ATP8A2: variants seen among roughly 807,000 people sequenced by gnomAD.
ATP8A2 encodes ATPase phospholipid transporting 8A2, also known as phospholipid-transporting ATPase IB.
ATP8A2 carries 100 observed loss-of-function variants against 165.6 expected under a neutral mutation model. That is an observed-to-expected ratio of 0.60 (90% CI 0.51 to 0.71). The LOEUF (loss-of-function observed/expected upper bound fraction) is 0.71, where lower values mean the gene tolerates loss of function less well. ATP8A2 is among the 30% of genes least tolerant of loss of function. The pLI, the probability that ATP8A2 is intolerant of heterozygous loss-of-function variation, is 0.00. For synonymous variants in ATP8A2, 543 were observed against 548.8 expected, an observed-to-expected ratio of 0.99 and a Z score of 0.15; for missense variants, 1,227 against 1,479.5, an observed-to-expected ratio of 0.83 and a Z score of 2.80.
intron 24 of ATP8A2, among the ~76,000 whole-genome samples, chr13:25,681,544 G>A (rs1020025684): frequency 5.3e-5 from 8 of 152,174 alleles, no homozygotes; most frequent in African/African-American, 1.4e-4. Flanking sequence ...GCAGGGAAAC[G>A]TGCAGGCAGG....
rs1275286938 is a variant in ATP8A2, at chr13:25,530,044, T to C, written c.267T>C (p.Tyr89=). The C allele has an allele frequency of 1.2e-6, 2 of 1,613,266 alleles. No individual in the cohort carries two copies. Among genetic ancestry groups the C allele is most frequent in the Admixed American group, 3.3e-5 (2 of 59,948 alleles). The stretch of plus-strand genomic sequence containing the variant: ...TGACATTTCTACCTCGATTCTTGTA[T>C]GAGCAGATTAGAAGAGCTGCTAATG... ...SVLTFLPRFL[Y]EQIRRAANAF... is the part of the protein sequence containing the mutation. Residue 89 remains tyrosine (Y), a synonymous_variant, in exon 3 of 37, where the codon TAT becomes TAC. Coordinates refer to ENST00000381655, the MANE Select transcript of ATP8A2 (RefSeq NM_016529.6).
At position 25,617,196 on chromosome 13, in the gene ATP8A2, C is replaced by T. The variant is rs75211240; in HGVS notation, c.2211+27497C>T. 7.3e-3 allele frequency among the ~76,000 whole-genome samples: 1,116 copies of T among 152,206 alleles called. 12 individuals carry two copies. The highest frequency in any genetic ancestry group is 0.025 in the African/African-American group (1,047 of 41,514). ...AACAACAAAAGCTAAAATGCCAAAC[C>T]GAATGCAAGCTTTGTTCATTTCCTC... On this transcript the variant is annotated intron_variant, in intron 24 of 36. Coordinates refer to ENST00000381655, the MANE Select transcript of ATP8A2 (RefSeq NM_016529.6).
At chr13:25,706,896 G>A (rs762220922) in intron 25 of ATP8A2, among the ~76,000 whole-genome samples, 34 of 152,014 alleles carry the variant, frequency 2.2e-4, no homozygotes, top group Non-Finnish European at 4.4e-4. Flanking sequence ...ACTCTAACAT[G>A]AATGCTATTG....
chr13:25,457,028 C>A (rs557931763), intron 1 of ATP8A2, among the ~76,000 whole-genome samples: 1 of 152,276 alleles, frequency 6.6e-6, no homozygotes, highest in East Asian at 1.9e-4. Flanking sequence ...AGAAAGTTTA[C>A]AAATTTGTGT....
At chr13:25,869,651 A>G (rs531388057) in intron 33 of ATP8A2, among the ~76,000 whole-genome samples, 62 of 152,260 alleles carry the variant, frequency 4.1e-4, no homozygotes, top group Non-Finnish European at 8.1e-4. Context: ...CAGTAACAGT[A>G]GGTAATGTTT....
At chr13:25,829,542 C>CAGTGCTTG (rs946093901) in intron 28 of ATP8A2, among the ~76,000 whole-genome samples, 1 of 151,194 alleles carries the variant, frequency 6.6e-6, no homozygotes, top group African/African-American at 2.4e-5. Context: ...CACGATTATT[C>CAGTGCTTG]AGTGCTTGAA....
At position 26,023,778 on chromosome 13, in the gene ATP8A2, A is replaced by G. The variant is rs1275317845; in HGVS notation, c.*3793A>G. 1 of 152,196 alleles carries G rather than the reference A, an allele frequency of 6.6e-6. No individual in the cohort carries two copies. The highest frequency in any genetic ancestry group is 2.4e-5 in the African/African-American group (1 of 41,448). 9.4% of individuals were successfully genotyped at this position (152,196 alleles called of 1,614,324 possible). On this transcript the variant is annotated 3_prime_UTR_variant, in exon 37 of 37. Transcript: ENST00000381655. Reference sequence around the variant, plus strand: ...TGAAAGGACTGCACACTTTTCAGCCAGGGTTTGAGTTACTGCCCAGGGTCA... The same window carrying G: ...TGAAAGGACTGCACACTTTTCAGCCGGGGTTTGAGTTACTGCCCAGGGTCA...
intron 2 of ATP8A2, among the ~76,000 whole-genome samples, chr13:25,486,311 T>C (rs2036351093): frequency 6.6e-6 from 1 of 152,246 alleles, no homozygotes; most frequent in Non-Finnish European, 1.5e-5. Flanking sequence ...CAACCTGTGA[T>C]ATTTATAAAT....
chr13:25,613,135 G>A (rs9553632), intron 24 of ATP8A2, among the ~76,000 whole-genome samples: 74,998 of 152,018 alleles, frequency 0.49, 20,183 homozygotes, highest in Admixed American at 0.61. Flanking sequence ...CGTTAGCATT[G>A]AGATGTAAGG....
At chr13:25,478,986 T>C (rs1259881441) in intron 2 of ATP8A2, among the ~76,000 whole-genome samples, 2 of 152,138 alleles carry the variant, frequency 1.3e-5, no homozygotes, top group East Asian at 3.9e-4. Flanking sequence ...TAGCTGGGAC[T>C]ACAGGCACGT....
intron 1 of ATP8A2, among the ~76,000 whole-genome samples, chr13:25,428,541 G>A (rs951030053): frequency 1.3e-5 from 2 of 152,122 alleles, no homozygotes; most frequent in Non-Finnish European, 2.9e-5. Context: ...AAGTGCTGTG[G>A]GACCACAGGG....
At chr13:25,417,629 T>C (rs1376840840) in intron 1 of ATP8A2, among the ~76,000 whole-genome samples, 3 of 152,192 alleles carry the variant, frequency 2.0e-5, no homozygotes, top group African/African-American at 7.2e-5. Flanking sequence ...TTCTGAAACT[T>C]CGGTGCGTAG....
intron 33 of ATP8A2, among the ~76,000 whole-genome samples, chr13:25,939,397 CAT>C (rs1330579914): frequency 6.6e-6 from 1 of 152,190 alleles, no homozygotes; most frequent in Non-Finnish European, 1.5e-5. Flanking sequence ...CTTTCCAACA[CAT>C]CTCTCACTTC....
intron 24 of ATP8A2, among the ~76,000 whole-genome samples, chr13:25,643,118 C>T (rs572210649): frequency 3.3e-5 from 5 of 152,130 alleles, no homozygotes; most frequent in Admixed American, 6.5e-5. Flanking sequence ...ATGTAAATGA[C>T]GAGTTAATGG....
At chr13:25,938,450 C>A (rs1954977641) in intron 33 of ATP8A2, among the ~76,000 whole-genome samples, 1 of 152,192 alleles carries the variant, frequency 6.6e-6, no homozygotes, top group Non-Finnish European at 1.5e-5. Context: ...AGTTATGGAT[C>A]CCGCAGTAAC....
At chr13:25,597,063 A>G (rs1565965173) in intron 24 of ATP8A2, among the ~76,000 whole-genome samples, 1 of 152,046 alleles carries the variant, frequency 6.6e-6, no homozygotes, top group Non-Finnish European at 1.5e-5. Context: ...TCCTTTGTTG[A>G]AGTCTCTGTC....
intron 2 of ATP8A2, among the ~76,000 whole-genome samples, chr13:25,484,613 C>G (rs2036296997): frequency 6.6e-6 from 1 of 152,080 alleles, no homozygotes; most frequent in Non-Finnish European, 1.5e-5. Context: ...CTCCCGGATT[C>G]AGGTGATTCT....
At chr13:25,835,722 G>C (rs572540087) in intron 28 of ATP8A2, among the ~76,000 whole-genome samples, 47 of 152,156 alleles carry the variant, frequency 3.1e-4, no homozygotes, top group African/African-American at 1.1e-3. Context: ...ATATACAAAT[G>C]TGAGTACAGG....
At position 26,007,881 on chromosome 13, in the gene ATP8A2, A is replaced by C. The variant is rs374722501; in HGVS notation, c.3378-4650A>C. ...CAGAACCCTATGCATAAAGTTGCAAATTTTGTAGGGATGCCATTTTAGTGA... is the reference window on the plus strand; with the variant it reads ...CAGAACCCTATGCATAAAGTTGCAACTTTTGTAGGGATGCCATTTTAGTGA... On this transcript the variant is annotated intron_variant, in intron 35 of 36. Coordinates refer to ENST00000381655, the MANE Select transcript of ATP8A2 (RefSeq NM_016529.6). Among the ~76,000 whole-genome samples, 3 of 152,252 alleles carry C rather than the reference A, an allele frequency of 2.0e-5. No homozygotes were observed. In the East Asian group the frequency reaches 5.8e-4, roughly 29 times the overall value.
Sources: allele counts gnomAD v4.1 joint callset (sites outside exome capture counted in the v4.1 genomes callset), GRCh38; gene constraint gnomAD v4.1.1; transcripts MANE v1.5; gene names NCBI Gene and HGNC (gene_info 2026-07-23, HGNC 2026-07-21).